The following CACNA2D1 variants were observed in gnomAD, a reference collection of about 807,000 sequenced individuals.
CACNA2D1 encodes the protein calcium voltage-gated channel auxiliary subunit alpha2delta 1.
CACNA2D1 carries 53 observed loss-of-function variants against 171.5 expected under a neutral mutation model. The observed-to-expected ratio is 0.31, with a 90% CI of 0.25 to 0.39. The LOEUF is 0.39. Among genes scored for constraint, CACNA2D1 ranks in the 10% least tolerant of loss-of-function variants. CACNA2D1 has a pLI of 1.00. For missense variants in CACNA2D1, 903 were observed against 1,299.8 expected, an observed-to-expected ratio of 0.69 and a Z score of 4.69; for synonymous variants, 442 against 443.1, an observed-to-expected ratio of 1.00 and a Z score of 0.03.
At chr7:82,276,391 T>C (rs975724281) in intron 3 of CACNA2D1, among the ~76,000 whole-genome samples, 1 of 152,140 alleles carries the variant, frequency 6.6e-6, no homozygotes, top group Admixed American at 6.5e-5. Context: ...AATCCTAAAC[T>C]AATGACGTAG....
rs1402117251 is a variant in CACNA2D1, at chr7:81,969,105, T to C, written c.2309-132A>G. ...GCATCTACAAACTATAAAATGTTTG[T>C]GCTCTCCTTCCTCTCTTCTTCCGTT... is the stretch of plus-strand genomic sequence containing the variant. On this transcript the variant is annotated intron_variant, in intron 28 of 38. Transcript: ENST00000356860. 1.6e-5 allele frequency: 10 copies of C among 634,726 alleles called. No individual in the cohort carries two copies. The East Asian group carries it at 2.6e-4, about 16-fold the overall frequency. 39.3% of individuals were successfully genotyped at this position (634,726 alleles called of 1,614,324 possible). A position where few individuals can be genotyped will look rare whatever the true frequency, so the allele number is the denominator to read the frequency against.
intron 21 of CACNA2D1, among the ~76,000 whole-genome samples, chr7:81,990,072 A>C (rs2130728908): frequency 6.6e-6 from 1 of 152,078 alleles, no homozygotes; most frequent in Middle Eastern, 3.4e-3. Context: ...TCAGTGACTA[A>C]GGTAGGGGGG....
intron 1 of CACNA2D1, among the ~76,000 whole-genome samples, chr7:82,363,425 C>T (rs1821315816): frequency 6.6e-6 from 1 of 151,860 alleles, no homozygotes; most frequent in Non-Finnish European, 1.5e-5. Context: ...CCACCACTTC[C>T]GGCTAATTTT....
intron 21 of CACNA2D1, among the ~76,000 whole-genome samples, chr7:81,986,670 TTAAG>T (rs1372552085): frequency 6.6e-6 from 1 of 152,332 alleles, no homozygotes; most frequent in Middle Eastern, 3.4e-3. Context: ...TTCTCTATTA[TTAAG>T]TAATTCATAG....
At chr7:82,293,206 T>C (rs998969821) in intron 3 of CACNA2D1, among the ~76,000 whole-genome samples, 1 of 152,142 alleles carries the variant, frequency 6.6e-6, no homozygotes, top group Non-Finnish European at 1.5e-5. Flanking sequence ...GAAAGATCTC[T>C]TATCTAAGGA....
intron 3 of CACNA2D1, among the ~76,000 whole-genome samples, chr7:82,195,990 T>C (rs1434005196): frequency 6.6e-6 from 1 of 152,034 alleles, no homozygotes; most frequent in African/African-American, 2.4e-5. Context: ...CTAAATGTAG[T>C]CACTGAGCAA....
At chr7:82,361,308 T>C (rs1585651472) in intron 1 of CACNA2D1, among the ~76,000 whole-genome samples, 1 of 152,172 alleles carries the variant, frequency 6.6e-6, no homozygotes, top group African/African-American at 2.4e-5. Flanking sequence ...ATTAATGCAG[T>C]AAAAATAACA....
At chr7:82,399,244 AG>A (rs1826077055) in intron 1 of CACNA2D1, among the ~76,000 whole-genome samples, 1 of 152,198 alleles carries the variant, frequency 6.6e-6, no homozygotes, top group Non-Finnish European at 1.5e-5. Flanking sequence ...GCTCAAGACC[AG>A]CCTGGTCCAC....
At chr7:82,370,343 T>C (rs1312961092) in intron 1 of CACNA2D1, among the ~76,000 whole-genome samples, 1 of 151,594 alleles carries the variant, frequency 6.6e-6, no homozygotes, top group Non-Finnish European at 1.5e-5. Flanking sequence ...TTTTGGAAAA[T>C]CAATATAAGA....
intron 3 of CACNA2D1, among the ~76,000 whole-genome samples, chr7:82,295,720 A>C (rs1260696937): frequency 1.4e-5 from 2 of 147,650 alleles, no homozygotes; most frequent in African/African-American, 2.5e-5. Flanking sequence ...AGTTTGTGAC[A>C]AAAAAAAAAG....
intron 6 of CACNA2D1, among the ~76,000 whole-genome samples, chr7:82,090,196 C>A (rs1810985835): frequency 6.6e-6 from 1 of 152,096 alleles, no homozygotes; most frequent in Non-Finnish European, 1.5e-5. Flanking sequence ...CTATCCTCGC[C>A]ATGCTGTATA....
chr7:82,230,957 A>G (rs1214210103), intron 3 of CACNA2D1, among the ~76,000 whole-genome samples: 1 of 152,234 alleles, frequency 6.6e-6, no homozygotes, highest in Admixed American at 6.5e-5. Context: ...TTATAGTCTC[A>G]CATCTGTACC....
At chr7:82,288,952 G>A (rs1451644642) in intron 3 of CACNA2D1, among the ~76,000 whole-genome samples, 4 of 152,064 alleles carry the variant, frequency 2.6e-5, no homozygotes, top group Non-Finnish European at 5.9e-5. Context: ...AATGAACGCA[G>A]CCCATAGTTA....
At position 82,171,243 on chromosome 7, in the gene CACNA2D1, GA is replaced by G. The variant is rs1795987595; in HGVS notation, c.295-635del. ...CAATTTATTTTCCTATAGCACTTTC[GA>G]AATGCTATTCCATTAAGTTCAGTGG... On this transcript the variant is annotated intron_variant, in intron 3 of 38. Transcript: ENST00000356860. Among the ~76,000 whole-genome samples the G allele has an allele frequency of 2.6e-5, 4 of 151,978 alleles. No homozygotes were observed. In the South Asian group the frequency reaches 8.3e-4, roughly 31 times the overall value.
At chr7:82,296,496 G>A (rs1394420632) in intron 3 of CACNA2D1, among the ~76,000 whole-genome samples, 1 of 152,086 alleles carries the variant, frequency 6.6e-6, no homozygotes, top group Admixed American at 6.6e-5. Context: ...AGAATAGCAG[G>A]AAGGATTTTA....
At chr7:81,988,609 T>C (rs549363562) in intron 21 of CACNA2D1, among the ~76,000 whole-genome samples, 16 of 152,316 alleles carry the variant, frequency 1.1e-4, no homozygotes, top group African/African-American at 2.6e-4. Flanking sequence ...TAACTGTATA[T>C]TAATATGTAG....
intron 6 of CACNA2D1, among the ~76,000 whole-genome samples, chr7:82,100,554 C>T (rs1054124190): frequency 2.0e-5 from 3 of 152,118 alleles, no homozygotes; most frequent in Non-Finnish European, 2.9e-5. Flanking sequence ...GAAATAAATG[C>T]TATCAACGTC....
intron 3 of CACNA2D1, among the ~76,000 whole-genome samples, chr7:82,260,183 T>C (rs576298844): frequency 6.6e-6 from 1 of 152,168 alleles, no homozygotes; most frequent in East Asian, 1.9e-4. Context: ...GATCATAGCA[T>C]TGCACTCCAG....
At chr7:82,185,599 G>T (rs913685376) in intron 3 of CACNA2D1, among the ~76,000 whole-genome samples, 2 of 143,470 alleles carry the variant, frequency 1.4e-5, no homozygotes, top group Non-Finnish European at 3.0e-5. Context: ...GCAGTGTAAG[G>T]GTAGGAATTC....
Sources: gnomAD v4.1 joint callset for allele counts (sites outside exome capture counted in the v4.1 genomes callset) on GRCh38, gnomAD v4.1.1 for gene constraint, MANE v1.5 for transcripts, NCBI Gene and HGNC (gene_info 2026-07-23, HGNC 2026-07-21) for gene names.